Variants in SEMA6D observed in about 807,000 individuals in gnomAD.
SEMA6D encodes the protein semaphorin 6D.
In SEMA6D, 35 loss-of-function variants were observed where a neutral mutation model predicts 106.6. The observed-to-expected ratio is 0.33, with a 90% confidence interval of 0.25 to 0.44. The LOEUF (loss-of-function observed/expected upper bound fraction) is 0.44. Ranked by LOEUF, SEMA6D falls within the 20% of genes least tolerant of loss-of-function variation. The pLI is 1.00. For missense variants in SEMA6D, 1,185 were observed against 1,345.9 expected (o/e 0.88, Z 1.87); for synonymous variants, 499 against 487.7 (o/e 1.02, Z -0.31).
intron 1 of SEMA6D, among the ~76,000 whole-genome samples, chr15:47,231,480 C>A (rs2032192317): frequency 6.6e-6 from 1 of 151,948 alleles, no homozygotes; most frequent in Admixed American, 6.6e-5. Context: ...GCATTACCTT[C>A]ACTAAAATCC....
intron 1 of SEMA6D, among the ~76,000 whole-genome samples, chr15:47,349,509 T>G (rs2144750386): frequency 6.6e-6 from 1 of 152,294 alleles, no homozygotes; most frequent in East Asian, 1.9e-4. Context: ...ACCCAGTGGT[T>G]CCCAGTAGTT....
intron 4 of SEMA6D, among the ~76,000 whole-genome samples, chr15:47,614,926 A>G (rs1425634815): frequency 3.3e-5 from 5 of 152,284 alleles, no homozygotes; most frequent in Admixed American, 6.5e-5. Flanking sequence ...CATTTCTCTT[A>G]ATGTCTGGCC....
chr15:47,753,908 C>A (rs2081578886), intron 1 of SEMA6D, among the ~76,000 whole-genome samples: 1 of 152,130 alleles, frequency 6.6e-6, no homozygotes, highest in Non-Finnish European at 1.5e-5. Context: ...GGGATGAGAG[C>A]TAGAGGATAG....
chr15:47,739,444 G>A (rs868288569), intron 1 of SEMA6D, among the ~76,000 whole-genome samples: 2 of 152,066 alleles, frequency 1.3e-5, no homozygotes, highest in Non-Finnish European at 2.9e-5. Context: ...ACCACCCCCC[G>A]CCCACACAAG....
At chr15:47,617,138 C>T (rs921990908) in intron 4 of SEMA6D, among the ~76,000 whole-genome samples, 5 of 152,152 alleles carry the variant, frequency 3.3e-5, no homozygotes, top group African/African-American at 1.2e-4. Flanking sequence ...TAGTCAAGTT[C>T]AGTCAAGATT....
At chr15:47,488,150 G>T (rs112529820) in intron 3 of SEMA6D, among the ~76,000 whole-genome samples, 2 of 151,616 alleles carry the variant, frequency 1.3e-5, no homozygotes, top group African/African-American at 4.9e-5. Flanking sequence ...TTCTGTCATC[G>T]GTATTTTTGT....
intron 1 of SEMA6D, among the ~76,000 whole-genome samples, chr15:47,342,679 G>C (rs181423263): frequency 6.6e-6 from 1 of 152,004 alleles, no homozygotes; most frequent in African/African-American, 2.4e-5. Flanking sequence ...GGGTGCTTGC[G>C]TCATTGACCC....
chr15:47,628,174 A>C (rs1412076827), intron 4 of SEMA6D, among the ~76,000 whole-genome samples: 1 of 152,060 alleles, frequency 6.6e-6, no homozygotes, highest in East Asian at 1.9e-4. Flanking sequence ...ATTTGGGGCT[A>C]TTATAAATAA....
intron 1 of SEMA6D, among the ~76,000 whole-genome samples, chr15:47,717,969 C>G (rs553555826): frequency 2.6e-5 from 4 of 151,962 alleles, no homozygotes; most frequent in African/African-American, 7.3e-5. Flanking sequence ...TTGGCGGACG[C>G]GTCAAAACTG....
At chr15:47,638,164 A>C (rs978825603) in intron 4 of SEMA6D, among the ~76,000 whole-genome samples, 1 of 152,154 alleles carries the variant, frequency 6.6e-6, no homozygotes, top group Non-Finnish European at 1.5e-5. Context: ...TAGCAATTTC[A>C]TAACAGTTTC....
chr15:47,592,815 G>A (rs1004327526), intron 3 of SEMA6D, among the ~76,000 whole-genome samples: 4 of 152,082 alleles, frequency 2.6e-5, no homozygotes, highest in Admixed American at 6.6e-5. Flanking sequence ...ATTATTCATC[G>A]TAACTGCATA....
At chr15:47,456,681 A>G (rs2042355685) in intron 2 of SEMA6D, among the ~76,000 whole-genome samples, 1 of 152,034 alleles carries the variant, frequency 6.6e-6, no homozygotes, top group Non-Finnish European at 1.5e-5. Context: ...CGCAATAGGC[A>G]GTGCAAATAG....
chr15:47,300,035 A>G (rs573395326), intron 1 of SEMA6D, among the ~76,000 whole-genome samples: 16 of 152,286 alleles, frequency 1.1e-4, no homozygotes, highest in African/African-American at 3.4e-4. Flanking sequence ...TGATGTAGCT[A>G]TTAGTTGGGT....
intron 4 of SEMA6D, among the ~76,000 whole-genome samples, chr15:47,636,213 C>T (rs1294013247): frequency 2.0e-5 from 3 of 152,018 alleles, no homozygotes; most frequent in African/African-American, 4.8e-5. Flanking sequence ...AATTGAACTA[C>T]GAAAATACAA....
rs1429450774 is a variant in SEMA6D at position 47,644,536 on chromosome 15, A to G, written c.-55+43640A>G. 2.0e-5 allele frequency among the ~76,000 whole-genome samples: 3 copies of G among 152,206 alleles called. No individual in the cohort carries two copies. The East Asian group carries it at 5.8e-4, about 29-fold the overall frequency. On this transcript the variant is annotated intron_variant, in intron 4 of 19. Transcript: ENST00000558014. ...ATGCAGGGCCTTCAAAGAGGTGATT[A>G]GGCCATGAGGGCTCCTCCCTGGTGA...
intron 3 of SEMA6D, among the ~76,000 whole-genome samples, chr15:47,574,357 T>TGA (rs1361109059): frequency 1.3e-5 from 2 of 152,234 alleles, no homozygotes; most frequent in African/African-American, 4.8e-5. Context: ...CTCAGCTGGC[T>TGA]GGTCTGATAC....
intron 3 of SEMA6D, chr15:47,525,211 A>G (rs943734828): frequency 6.6e-6 from 1 of 152,370 alleles, no homozygotes; most frequent in East Asian, 1.9e-4. Flanking sequence ...AGAGAAGATG[A>G]AAAGTGATCA....
At chr15:47,604,173 G>A in intron 4 of SEMA6D, 1 of 152,142 alleles carries the variant, frequency 6.6e-6, no homozygotes, top group East Asian at 1.9e-4. Flanking sequence ...TTGAGATTGG[G>A]TTTCTTGTCT....
At chr15:47,707,040 T>C (rs2078925588) in intron 4 of SEMA6D, among the ~76,000 whole-genome samples, 1 of 152,198 alleles carries the variant, frequency 6.6e-6, no homozygotes, top group South Asian at 2.1e-4. Context: ...GTAAAGAGAA[T>C]TGGAAGTGAT....
Sources: gnomAD v4.1 joint callset for allele counts (sites outside exome capture counted in the v4.1 genomes callset) on GRCh38, gnomAD v4.1.1 for gene constraint, MANE v1.5 for transcripts, NCBI Gene and HGNC (gene_info 2026-07-23, HGNC 2026-07-21) for gene names.